The following STYX variants were observed in gnomAD, a reference collection of about 807,000 sequenced individuals.
STYX encodes the protein serine/threonine/tyrosine interacting protein.
Under a neutral mutation model 42.7 loss-of-function variants are expected in STYX, and 20 were observed. That is an observed-to-expected ratio of 0.47 (90% CI 0.33 to 0.68). The LOEUF (loss-of-function observed/expected upper bound fraction) is 0.68, where lower values mean the gene tolerates loss of function less well. STYX is among the 30% of genes least tolerant of loss of function. STYX has a pLI of 0.02. For synonymous variants in STYX, 78 were observed against 81.9 expected, an observed-to-expected ratio of 0.95 and a Z score of 0.26; for missense variants, 226 against 268.5, an observed-to-expected ratio of 0.84 and a Z score of 1.11.
At chr14:52,749,285 C>T (rs1013646945) in intron 3 of STYX, among the ~76,000 whole-genome samples, 7 of 152,210 alleles carry the variant, frequency 4.6e-5, no homozygotes, top group Non-Finnish European at 7.3e-5. Context: ...GAGACTCCAC[C>T]ATCACATCTT....
chr14:52,736,295 A>G (rs375509271), intron 1 of STYX, among the ~76,000 whole-genome samples: 10 of 152,342 alleles, frequency 6.6e-5, no homozygotes, highest in South Asian at 6.2e-4. Flanking sequence ...GACTGGTTCA[A>G]TTCCCCAGCT....
chr14:52,738,792 A>G (rs1248976731), intron 1 of STYX, among the ~76,000 whole-genome samples: 2 of 152,176 alleles, frequency 1.3e-5, no homozygotes, highest in Non-Finnish European at 2.9e-5. Context: ...ACCAGGGAAG[A>G]TTGTCTCTTA....
intron 2 of STYX, 77 bp downstream of exon 2, chr14:52,744,961 CCTG>C: frequency 7.8e-7 from 1 of 1,281,278 alleles, no homozygotes; most frequent in East Asian, 2.4e-5. Context: ...GGATTTGAGA[CCTG>C]CTGATTTCAT....
At chr14:52,741,451 T>C (rs565571304) in intron 1 of STYX, among the ~76,000 whole-genome samples, 2 of 152,226 alleles carry the variant, frequency 1.3e-5, no homozygotes, top group African/African-American at 4.8e-5. Context: ...TGTGTGTGTG[T>C]ATGAGAGATG....
chr14:52,757,246 A>C (rs1881908835), intron 5 of STYX, 73 bp from the exon 6 acceptor site: 1 of 1,209,938 alleles, frequency 8.3e-7, no homozygotes, highest in African/African-American at 1.5e-5. Context: ...AATTGTTTTC[A>C]ATAGGTTTCA....
In STYX at chr14:52,741,230, A is replaced by ATT. The variant is rs61593961; in HGVS notation, c.58-3613_58-3612dup. Among the ~76,000 whole-genome samples the ATT allele has an allele frequency of 8.3e-3, 1,159 of 140,288 alleles. 11 individuals carry two copies. Among genetic ancestry groups the ATT allele is most frequent in the African/African-American group, 0.02 (755 of 37,652 alleles). The allele number at this position is 140,288 out of a possible 152,430, so 92.0% of individuals were successfully genotyped here. A position where few individuals can be genotyped will look rare whatever the true frequency, so the allele number is the denominator to read the frequency against. ...TGTTTTTATATATATATATATATAT[A>ATT]TTTTTTTTTTGGTAAAGCCTAGGAG... On this transcript the variant is annotated intron_variant, in intron 1 of 10. Transcript: ENST00000354586.
chr14:52,772,556 A>C lies in STYX; in HGVS notation c.*1450A>C, dbSNP rs1882552908. 1 of 152,538 alleles carries C rather than the reference A, an allele frequency of 6.6e-6. No homozygotes were observed. Among genetic ancestry groups the C allele is most frequent in the South Asian group, 2.1e-4 (1 of 4,816 alleles). The allele number at this position is 152,538 out of a possible 1,614,324, so 9.4% of individuals were successfully genotyped here. On this transcript the variant is annotated 3_prime_UTR_variant, in exon 11 of 11. Transcript: ENST00000354586. Reference sequence around the variant, plus strand: ...GCACAAACAAAACTCCTTTGTATCTAACTTTTCTCAATCCTCTCTTGAGGT... The same window carrying C: ...GCACAAACAAAACTCCTTTGTATCTCACTTTTCTCAATCCTCTCTTGAGGT...
intron 2 of STYX, 98 bp downstream of exon 2, chr14:52,744,982 AGG>A: frequency 1.0e-6 from 1 of 968,624 alleles, no homozygotes; most frequent in Non-Finnish European, 1.6e-6. Flanking sequence ...CATGATCTGT[AGG>A]TTCATCATTA....
chr14:52,758,030 C>G, intron 8 of STYX, 106 bp downstream of exon 8: 1 of 1,239,718 alleles, frequency 8.1e-7, no homozygotes, highest in South Asian at 1.4e-5. Flanking sequence ...GATTATTTTT[C>G]ATGTAGTCAT....
At chr14:52,744,961 C>A in intron 2 of STYX, 77 bp downstream of exon 2, 2 of 1,281,278 alleles carry the variant, frequency 1.6e-6, no homozygotes, top group South Asian at 2.6e-5. Context: ...GGATTTGAGA[C>A]CTGCTGATTT....
At chr14:52,770,011 G>A (rs1566682475) in intron 10 of STYX, among the ~76,000 whole-genome samples, 2 of 151,958 alleles carry the variant, frequency 1.3e-5, no homozygotes, top group African/African-American at 2.4e-5. Context: ...TCCTGTGTGT[G>A]TCTTCTTTTC....
intron 1 of STYX, among the ~76,000 whole-genome samples, chr14:52,738,251 T>C (rs370398825): frequency 6.6e-6 from 1 of 152,232 alleles, no homozygotes; most frequent in African/African-American, 2.4e-5. Flanking sequence ...TAATTACTAA[T>C]GTTCTCTGAA....
chr14:52,761,510 G>A (rs2139926069), intron 9 of STYX, among the ~76,000 whole-genome samples: 1 of 149,806 alleles, frequency 6.7e-6, no homozygotes, highest in Admixed American at 6.6e-5. Context: ...AACAAAAAGT[G>A]CCTATTCCTC....
rs948433107 is a variant in STYX, at chr14:52,758,908, A to G, written c.432-774A>G. Among the ~76,000 whole-genome samples the G allele has an allele frequency of 1.1e-4, 17 of 152,050 alleles. 1 individual carries two copies. The highest frequency in any genetic ancestry group is 3.4e-4 in the African/African-American group (14 of 41,380). On this transcript the variant is annotated intron_variant, in intron 8 of 10. Coordinates refer to ENST00000354586, the MANE Select transcript of STYX (RefSeq NM_145251.4). ...ATATTTAATTGAAAAAAGATTAAAC[A>G]TGTATTGATGGACTTTATGTTTTAT... is the stretch of plus-strand genomic sequence containing the variant.
chr14:52,757,384 T>C (rs1345382634), intron 6 of STYX, 29 bp downstream of exon 6: 3 of 1,561,528 alleles, frequency 1.9e-6, no homozygotes, highest in Non-Finnish European at 2.6e-6. Flanking sequence ...CCTTAACTAA[T>C]GTTTATATTT....
At chr14:52,757,258 T>G (rs1260876694) in intron 5 of STYX, 61 bp from the exon 6 acceptor site, 2 of 1,324,464 alleles carry the variant, frequency 1.5e-6, no homozygotes, top group Non-Finnish European at 2.1e-6. Context: ...TAGGTTTCAT[T>G]TTGTTTCATT....
intron 4 of STYX, among the ~76,000 whole-genome samples, chr14:52,755,121 G>GTTTTTTTTTTTTTTTTTTTTTGT (rs537098365): frequency 7.2e-6 from 1 of 139,308 alleles, no homozygotes; most frequent in Non-Finnish European, 1.5e-5. Context: ...TTGTTTTTTT[G>GTTTTTTTTTTTTTTTTTTTTTGT]TTTTTTTTTT....
chr14:52,768,518 G>A (rs925586473), intron 9 of STYX, among the ~76,000 whole-genome samples: 3 of 152,134 alleles, frequency 2.0e-5, no homozygotes, highest in African/African-American at 4.8e-5. Context: ...GAGGACTATT[G>A]AGATTGCCAA....
rs948766236 is a variant in STYX, at chr14:52,730,178, G to C, written c.-297G>C. ...GAGGCGGGGAGACGGTTGTCGGGCTGGTTCCTGTGCTGGATCCTGGGCGGC... is the reference window on the plus strand; with the variant it reads ...GAGGCGGGGAGACGGTTGTCGGGCTCGTTCCTGTGCTGGATCCTGGGCGGC... On this transcript the variant is annotated 5_prime_UTR_variant, in exon 1 of 11. Transcript: ENST00000354586. 6.7e-6 allele frequency: 3 copies of C among 448,058 alleles called. No homozygotes were observed. The highest frequency in any genetic ancestry group is 4.3e-5 in the South Asian group (1 of 23,322). 27.8% of individuals were successfully genotyped at this position (448,058 alleles called of 1,614,324 possible). A position where few individuals can be genotyped will look rare whatever the true frequency, so the allele number is the denominator to read the frequency against.
Sources: gnomAD v4.1 joint callset for allele counts (sites outside exome capture counted in the v4.1 genomes callset) on GRCh38, gnomAD v4.1.1 for gene constraint, MANE v1.5 for transcripts, NCBI Gene and HGNC (gene_info 2026-07-23, HGNC 2026-07-21) for gene names.